Variants in DPP7 observed in about 807,000 individuals in gnomAD.
DPP7 encodes dipeptidyl peptidase 2.
Under a neutral mutation model 58.8 loss-of-function variants are expected in DPP7, and 74 were observed. The observed-to-expected ratio is 1.26, with a 90% CI of 1.04 to 1.53. The LOEUF is 1.53. Among genes scored for constraint, DPP7 ranks in the 40% most tolerant of loss-of-function variants. The pLI is 0.00. For synonymous variants in DPP7, 350 were observed against 303.6 expected, an observed-to-expected ratio of 1.15 and a Z score of -1.59; for missense variants, 807 against 692.3, an observed-to-expected ratio of 1.17 and a Z score of -1.86.
At position 137,110,987 on chromosome 9, in the gene DPP7, C is replaced by T. The variant is rs199842744; in HGVS notation, c.1273-37G>A. The stretch of plus-strand genomic sequence containing the variant: ...GGAAAGAACTCCATCAGGTGAGGAA[C>T]GAGGCAACTGCCCAGCCTCCGTGGG... On this transcript the variant is annotated intron_variant, in intron 11 of 12. Transcript: ENST00000371579. 171 of 1,602,592 alleles carry T rather than the reference C, an allele frequency of 1.1e-4. 1 individual carries two copies. The Admixed American group carries it at 1.5e-3, about 14-fold the overall frequency.
intron 4 of DPP7, 37 bp downstream of exon 4, chr9:137,113,828 G>C (rs780994792): frequency 1.4e-6 from 2 of 1,450,016 alleles, no homozygotes; most frequent in South Asian, 2.7e-5. Flanking sequence ...TCGGGGCAGG[G>C]GAGGGAGGGG....
At chr9:137,111,805 G>A (rs1236881467) in intron 10 of DPP7, 51 bp from the exon 11 acceptor site, 2 of 1,613,286 alleles carry the variant, frequency 1.2e-6, no homozygotes, top group Non-Finnish European at 8.5e-7. Flanking sequence ...GGGGCTGTGA[G>A]CCATGGGCAG....
upstream of DPP7, among the ~76,000 whole-genome samples, chr9:137,116,930 C>T (rs895683082): frequency 3.9e-5 from 6 of 152,252 alleles, no homozygotes; most frequent in African/African-American, 1.4e-4. Context: ...CCTACGTGCA[C>T]ATCCGGGCAC....
Position 137,113,891 on chromosome 9 carries a change from A to G in DPP7, c.459T>C (p.Asp153=). The change falls in exon 4 of 13, where the codon GAT becomes GAC. Residue 153 remains aspartate, a synonymous_variant. Transcript: ENST00000371579. The stretch of plus-strand genomic sequence containing the variant: ...TTCCACCGAAGGCGATGGCGGGGGC[A>G]TCCTGGGCCCCGAGGTCGCGTCGTA... The part of the protein sequence containing the change: ...RALRRDLGAQ[D]APAIAFGGSY... 1.3e-6 allele frequency: 2 copies of G among 1,563,572 alleles called. No individual in the cohort carries two copies. The highest frequency in any genetic ancestry group is 8.6e-7 in the Non-Finnish European group (1 of 1,160,550).
rs373746970 is a variant in DPP7 at position 137,112,212 on chromosome 9, G to A, written c.950C>T (p.Ser317Leu). Residue 317 changes from serine to leucine, a missense_variant, in exon 9 of 13, where the codon TCG (serine) becomes TTG (leucine). Coordinates refer to ENST00000371579, the MANE Select transcript of DPP7 (RefSeq NM_013379.3). ...GATGTCGTAGCAGTGCTCGGAGCCC[G>A]AGGCGTTGTAGACCAGCCCTGGGGA... ...RALAGLVYNA[S>L]GSEHCYDIYR... is the part of the protein sequence containing the mutation. The A allele has an allele frequency of 1.1e-5, 18 of 1,601,414 alleles. No individual in the cohort carries two copies. Among genetic ancestry groups the A allele is most frequent in the Middle Eastern group, 1.9e-4 (1 of 5,244 alleles).
chr9:137,112,308 C>G, intron 8 of DPP7, 78 bp from the exon 9 acceptor site: 1 of 1,207,228 alleles, frequency 8.3e-7, no homozygotes, highest in South Asian at 1.4e-5. Context: ...TGTCCCCCCT[C>G]GGAATGGTCC....
In DPP7 at chr9:137,110,723, G is replaced by A. The variant is rs543797975; in HGVS notation, c.1404C>T (p.Ile468=). The change falls in exon 13 of 13, where the codon ATC becomes ATT. Residue 468 remains isoleucine, a synonymous_variant. Coordinates refer to ENST00000371579, the MANE Select transcript of DPP7 (RefSeq NM_013379.3). ...TGGCTGCCTTTACCCACTCGCCGAT[G>A]ATGGTGGCCTCCAGCTTCCGCGCCT... The part of the protein sequence containing the change: ...VVEARKLEAT[I]IGEWVKAARR... 36 of 1,605,620 alleles carry A rather than the reference G, an allele frequency of 2.2e-5. 1 individual carries two copies. In the South Asian group the frequency reaches 3.8e-4, roughly 17 times the overall value.
At chr9:137,112,077 C>T in intron 9 of DPP7, 35 bp downstream of exon 9, 1 of 1,612,350 alleles carries the variant, frequency 6.2e-7, no homozygotes, top group Non-Finnish European at 8.5e-7. Context: ...CCACCCTTGC[C>T]CCCGAGTGGT....
At chr9:137,115,438 C>T (rs1226588681), upstream of DPP7, among the ~76,000 whole-genome samples, 1 of 152,290 alleles carries the variant, frequency 6.6e-6, no homozygotes, top group South Asian at 2.1e-4. Flanking sequence ...GCGTCCAGTT[C>T]AGGGAGTGGG....
intron 4 of DPP7, 31 bp from the exon 5 acceptor site, chr9:137,113,527 G>A (rs752518146): frequency 2.6e-6 from 4 of 1,521,150 alleles, no homozygotes; most frequent in Non-Finnish European, 3.5e-6. Context: ...TAGGGCTGCT[G>A]CCCCCAACAC....
At chr9:137,115,705 C>A (rs969839948), upstream of DPP7, among the ~76,000 whole-genome samples, 2 of 152,054 alleles carry the variant, frequency 1.3e-5, no homozygotes, top group Non-Finnish European at 2.9e-5. Context: ...CACAGAGGCA[C>A]CCCCCATGGT....
intron 8 of DPP7, 64 bp downstream of exon 8, chr9:137,112,681 C>T: frequency 6.5e-7 from 1 of 1,541,566 alleles, no homozygotes; most frequent in Non-Finnish European, 8.7e-7. Flanking sequence ...CCCCACCCGG[C>T]CCCAGGACCC....
Position 137,113,362 on chromosome 9 carries a change from G to C in DPP7, c.620C>G (p.Ala207Gly). ...TGGAGGACCCCAAGCCTCACTCACC[G>C]CCGTGACGTCCCGGAAGAACTGGTT... ...DSNQFFRDVT[A>G]DFEGQSPKCT... The change falls in exon 5 of 13, where the codon GCG becomes GGG. Residue 207 changes from alanine to glycine, a missense_variant and splice_region_variant. Ala to Gly is a moderately conservative substitution (Grantham distance 60, BLOSUM62 0). Coordinates refer to ENST00000371579, the MANE Select transcript of DPP7 (RefSeq NM_013379.3). The C allele has an allele frequency of 6.2e-7, 1 of 1,611,412 alleles. No homozygotes were observed. Among genetic ancestry groups the C allele is most frequent in the Non-Finnish European group, 8.5e-7 (1 of 1,178,728 alleles).
chr9:137,112,206 G>A lies in DPP7; in HGVS notation c.956C>T (p.Ser319Phe), dbSNP rs775614825. Residue 319 changes from serine (S) to phenylalanine (F), a missense_variant, in exon 9 of 13, where the codon TCC (serine) becomes TTC (phenylalanine). Coordinates refer to ENST00000371579, the MANE Select transcript of DPP7 (RefSeq NM_013379.3). ...CCGGTAGATGTCGTAGCAGTGCTCG[G>A]AGCCCGAGGCGTTGTAGACCAGCCC... Reference protein sequence around the residue: ...LAGLVYNASGSEHCYDIYRLY... With the variant: ...LAGLVYNASGFEHCYDIYRLY... 6.2e-7 allele frequency: 1 copy of A among 1,603,016 alleles called. No individual in the cohort carries two copies. Among genetic ancestry groups the A allele is most frequent in the Non-Finnish European group, 8.5e-7 (1 of 1,179,488 alleles).
chr9:137,114,863 A>C, upstream of DPP7: 12 of 463,912 alleles, frequency 2.6e-5, no homozygotes, highest in Non-Finnish European at 4.0e-5. Flanking sequence ...GCCCCCCAAC[A>C]CCCCGCGCCC....
chr9:137,113,860 C>G lies in DPP7; in HGVS notation c.485+5G>C, dbSNP rs754093925. On this transcript the variant is annotated splice_donor_5th_base_variant and intron_variant, in intron 4 of 12. Coordinates refer to ENST00000371579, the MANE Select transcript of DPP7 (RefSeq NM_013379.3). The stretch of plus-strand genomic sequence containing the variant: ...GGGGGTGCGGAGGCCGGGGGAGGCG[C>G]CCACCTTCCACCGAAGGCGATGGCG... 1.2e-5 allele frequency: 18 copies of G among 1,521,808 alleles called. 1 individual carries two copies. The South Asian group carries it at 2.1e-4, about 17-fold the overall frequency. The allele number at this position is 1,521,808 out of a possible 1,614,324, so 94.3% of individuals were successfully genotyped here. A position where few individuals can be genotyped will look rare whatever the true frequency, so the allele number is the denominator to read the frequency against.
intron 8 of DPP7, 198 bp from the exon 9 acceptor site, chr9:137,112,428 T>C: frequency 1.6e-6 from 1 of 627,790 alleles, no homozygotes; most frequent in Non-Finnish European, 2.8e-6. Flanking sequence ...GCCTGACTGT[T>C]GAGGGCCCCC....
At chr9:137,117,706 T>C (rs1177420035), upstream of DPP7, among the ~76,000 whole-genome samples, 1 of 152,216 alleles carries the variant, frequency 6.6e-6, no homozygotes, top group Non-Finnish European at 1.5e-5. Context: ...CGTGACCTAC[T>C]GCATCCGCAC....
At chr9:137,111,345 G>A (rs1471509749) in intron 11 of DPP7, among the ~76,000 whole-genome samples, 1 of 150,684 alleles carries the variant, frequency 6.6e-6, no homozygotes, top group Admixed American at 6.6e-5. Flanking sequence ...TGTGATCCCA[G>A]CACTCTGGGG....
Sources: allele counts gnomAD v4.1 joint callset (sites outside exome capture counted in the v4.1 genomes callset), GRCh38; gene constraint gnomAD v4.1.1; transcripts MANE v1.5; gene names NCBI Gene and HGNC (gene_info 2026-07-23, HGNC 2026-07-21).